The following LARS2 variants were observed in gnomAD, a reference collection of about 807,000 sequenced individuals.
LARS2 encodes leucine--tRNA ligase, mitochondrial.
In LARS2, 81 loss-of-function variants were observed where a neutral mutation model predicts 116.6. The ratio of observed to expected loss-of-function variants is 0.69; its 90% CI spans 0.58 to 0.84. The LOEUF is 0.84. LARS2 is among the 40% of genes least tolerant of loss of function. The probability of loss-of-function intolerance (pLI) is 0.00; values close to 1 mark genes in which losing one functional copy is unlikely to be tolerated. For synonymous variants in LARS2, 396 were observed against 407.2 expected (o/e 0.97, Z 0.33); for missense variants, 968 against 1,114.5 (o/e 0.87, Z 1.87).
Position 45,394,450 on chromosome 3 carries a change from A to G in LARS2, c.-4A>G, listed in dbSNP as rs1337607403. The G allele has an allele frequency of 6.2e-7, 1 of 1,612,490 alleles. No individual in the cohort carries two copies. The stretch of plus-strand genomic sequence containing the variant: ...TTTTTCAGGGCCTTCTCACCTTCTG[A>G]AGAATGGCTTCTGTTTGGCAGAGAT... On this transcript the variant is annotated 5_prime_UTR_variant, in exon 3 of 22. Transcript: ENST00000645846.
rs533699080 is a variant in LARS2 at position 45,406,835 on chromosome 3, G to A, written c.363+6462G>A. On this transcript the variant is annotated intron_variant, in intron 4 of 21. Coordinates refer to ENST00000645846, the MANE Select transcript of LARS2 (RefSeq NM_015340.4). ...ATCAGAAAAGGCTGTACTGCCAATC[G>A]GTTTCTTCTTAAACTCATAGAATGC... Among the ~76,000 whole-genome samples the A allele has an allele frequency of 3.9e-5, 6 of 152,258 alleles. No individual in the cohort carries two copies. In the South Asian group the frequency reaches 8.3e-4, roughly 21 times the overall value.
intron 8 of LARS2, among the ~76,000 whole-genome samples, chr3:45,459,155 A>G (rs1417505859): frequency 1.3e-5 from 2 of 152,160 alleles, no homozygotes; most frequent in African/African-American, 4.8e-5. Flanking sequence ...AGAGGTCAAA[A>G]ATCATCCATA....
intron 6 of LARS2, among the ~76,000 whole-genome samples, chr3:45,442,089 A>C (rs1212053571): frequency 6.6e-6 from 1 of 152,242 alleles, no homozygotes; most frequent in Non-Finnish European, 1.5e-5. Flanking sequence ...TTTTGTAGCT[A>C]TAACTTTGAA....
chr3:45,542,089 G>C, intron 21 of LARS2, 133 bp downstream of exon 21: 1 of 1,140,054 alleles, frequency 8.8e-7, no homozygotes, highest in Non-Finnish European at 1.2e-6. Context: ...GCCACACCTT[G>C]TGACCGGAAG....
At chr3:45,444,431 A>G (rs1698980165) in intron 6 of LARS2, among the ~76,000 whole-genome samples, 1 of 148,836 alleles carries the variant, frequency 6.7e-6, no homozygotes, top group Admixed American at 6.6e-5. Flanking sequence ...TGGGAGGCCG[A>G]GGTGGGCGGA....
chr3:45,457,673 C>G (rs1375212061), intron 7 of LARS2, among the ~76,000 whole-genome samples: 3 of 149,340 alleles, frequency 2.0e-5, no homozygotes, highest in African/African-American at 5.2e-5. Flanking sequence ...GAGCAAAACT[C>G]TGTCTCAAAG....
At chr3:45,492,101 T>G (rs967995420) in intron 13 of LARS2, among the ~76,000 whole-genome samples, 1 of 152,256 alleles carries the variant, frequency 6.6e-6, no homozygotes, top group Non-Finnish European at 1.5e-5. Flanking sequence ...CCTTACAGCT[T>G]TGTAAAAAAC....
intron 20 of LARS2, among the ~76,000 whole-genome samples, chr3:45,527,492 C>T (rs113621854): frequency 0.02 from 2,983 of 152,082 alleles, 80 homozygotes; most frequent in African/African-American, 0.067. Flanking sequence ...GGCATGGTGG[C>T]GGGCACCTGT....
At chr3:45,392,487 G>A (rs77165393) in intron 2 of LARS2, among the ~76,000 whole-genome samples, 2 of 151,934 alleles carry the variant, frequency 1.3e-5, no homozygotes, top group Admixed American at 6.6e-5. Flanking sequence ...TAGAGAAGGG[G>A]TTTTGCCATG....
chr3:45,442,143 C>A (rs368749631), intron 6 of LARS2, among the ~76,000 whole-genome samples: 6 of 152,138 alleles, frequency 3.9e-5, no homozygotes, highest in Non-Finnish European at 7.3e-5. Context: ...TTAACGTAGG[C>A]GTTGGCTTAT....
intron 20 of LARS2, among the ~76,000 whole-genome samples, chr3:45,532,394 A>G (rs1262858840): frequency 2.0e-5 from 3 of 152,190 alleles, no homozygotes; most frequent in African/African-American, 7.2e-5. Flanking sequence ...GATATGATTT[A>G]TGTTCAGTTA....
intron 15 of LARS2, among the ~76,000 whole-genome samples, chr3:45,502,742 T>C (rs1400168017): frequency 2.6e-5 from 4 of 152,120 alleles, no homozygotes; most frequent in African/African-American, 9.6e-5. Flanking sequence ...CAGTTTCTAA[T>C]TGTCTCTCTG....
intron 4 of LARS2, among the ~76,000 whole-genome samples, chr3:45,414,111 G>C (rs906536796): frequency 6.6e-6 from 1 of 152,190 alleles, no homozygotes; most frequent in African/African-American, 2.4e-5. Flanking sequence ...AATGTTAAGA[G>C]TATATACAAA....
intron 8 of LARS2, among the ~76,000 whole-genome samples, chr3:45,460,532 G>A (rs371869937): frequency 3.9e-5 from 6 of 152,190 alleles, no homozygotes; most frequent in African/African-American, 9.7e-5. Context: ...ATTTTCAACT[G>A]TTCAGTGGAA....
chr3:45,541,775 A>G, intron 20 of LARS2, 54 bp from the exon 21 acceptor site: 4 of 1,601,248 alleles, frequency 2.5e-6, no homozygotes, highest in Non-Finnish European at 3.4e-6. Context: ...TCCTGCTCTC[A>G]TAAGCCTCCC....
At chr3:45,503,233 C>T (rs1242119785) in intron 15 of LARS2, among the ~76,000 whole-genome samples, 2 of 152,088 alleles carry the variant, frequency 1.3e-5, no homozygotes, top group Non-Finnish European at 2.9e-5. Flanking sequence ...TGAGGGTCAA[C>T]TTCTGTCTAC....
intron 4 of LARS2, among the ~76,000 whole-genome samples, chr3:45,411,183 G>A (rs911644531): frequency 1.3e-5 from 2 of 152,200 alleles, no homozygotes; most frequent in African/African-American, 2.4e-5. Context: ...GCCACTTACA[G>A]ACTCCAAGGA....
At chr3:45,525,465 G>A (rs187087426) in intron 20 of LARS2, among the ~76,000 whole-genome samples, 17 of 152,278 alleles carry the variant, frequency 1.1e-4, no homozygotes, top group African/African-American at 3.6e-4. Flanking sequence ...TGGAAATCAG[G>A]AACTAATCCT....
At position 45,446,912 on chromosome 3, in the gene LARS2, G is replaced by A. The variant is rs745449757; in HGVS notation, c.538G>A (p.Asp180Asn). 6.2e-7 allele frequency: 1 copy of A among 1,610,498 alleles called. No homozygotes were observed. Among genetic ancestry groups the A allele is most frequent in the South Asian group, 1.1e-5 (1 of 90,796 alleles). ...WDREITTCLP[D>N]YYKWTQYLFI... is the part of the protein sequence containing the mutation. ...GCAGGAAATAACTACGTGTTTGCCA[G>A]ATTACTACAAGTGGACTCAGTATCT... The change falls in exon 7 of 22, where the codon GAT becomes AAT. Residue 180 changes from aspartate (D) to asparagine (N), a missense_variant. By Grantham distance (23) the Asp-to-Asn change is conservative (BLOSUM62 1). Transcript: ENST00000645846.
Sources: gnomAD v4.1 joint callset for allele counts (sites outside exome capture counted in the v4.1 genomes callset) on GRCh38, gnomAD v4.1.1 for gene constraint, MANE v1.5 for transcripts, NCBI Gene and HGNC (gene_info 2026-07-23, HGNC 2026-07-21) for gene names.